The following SEMA3E variants were observed in gnomAD, a reference collection of about 807,000 sequenced individuals.
The protein encoded by SEMA3E is semaphorin-3E.
Under a neutral mutation model 93.6 loss-of-function variants are expected in SEMA3E, and 49 were observed. The observed-to-expected ratio is 0.52, with a 90% CI of 0.42 to 0.66. The LOEUF (loss-of-function observed/expected upper bound fraction) is 0.66. SEMA3E is among the 30% of genes least tolerant of loss of function. The pLI is 0.00. For synonymous variants in SEMA3E, 363 were observed against 330.7 expected, an observed-to-expected ratio of 1.10 and a Z score of -1.06; for missense variants, 906 against 964.8, an observed-to-expected ratio of 0.94 and a Z score of 0.81.
chr7:83,367,223 T>C lies in SEMA3E; in HGVS notation c.*363A>G, dbSNP rs1794682007. 2 of 231,986 alleles carry C rather than the reference T, an allele frequency of 8.6e-6. No individual in the cohort carries two copies. The highest frequency in any genetic ancestry group is 1.7e-5 in the Non-Finnish European group (2 of 116,992). The allele number at this position is 231,986 out of a possible 1,614,324, so 14.4% of individuals were successfully genotyped here. A position where few individuals can be genotyped will look rare whatever the true frequency, so the allele number is the denominator to read the frequency against. ...AAATATTAAAACATATTTAGTTTTA[T>C]ATTTACCATGATTATAAGTCTCCAA... On this transcript the variant is annotated 3_prime_UTR_variant, in exon 17 of 17. Transcript: ENST00000643230.
At chr7:83,495,218 T>A (rs1432688630) in intron 1 of SEMA3E, among the ~76,000 whole-genome samples, 1 of 151,926 alleles carries the variant, frequency 6.6e-6, no homozygotes, top group African/African-American at 2.4e-5. Flanking sequence ...GATTATATAA[T>A]TATATTGCAT....
intron 2 of SEMA3E, among the ~76,000 whole-genome samples, chr7:83,487,844 T>C (rs919107616): frequency 6.6e-6 from 1 of 152,100 alleles, no homozygotes; most frequent in South Asian, 2.1e-4. Flanking sequence ...TGAAATGCAA[T>C]ATTTGCTTCT....
intron 1 of SEMA3E, chr7:83,641,270 G>T: frequency 2.5e-6 from 1 of 401,906 alleles, no homozygotes; most frequent in Non-Finnish European, 3.4e-6. Context: ...ATACTCACTT[G>T]ATGAGCACTT....
chr7:83,612,118 C>T (rs1190858304), intron 1 of SEMA3E, among the ~76,000 whole-genome samples: 4 of 152,108 alleles, frequency 2.6e-5, no homozygotes, highest in Admixed American at 6.6e-5. Flanking sequence ...ATCACCTTAT[C>T]AGAGACTCCT....
intron 4 of SEMA3E, among the ~76,000 whole-genome samples, chr7:83,458,400 G>C (rs571931273): frequency 2.0e-5 from 3 of 151,838 alleles, no homozygotes; most frequent in African/African-American, 4.8e-5. Flanking sequence ...ATTAAGAATA[G>C]ACAAAGACTA....
chr7:83,647,153 A>C (rs1794089780), intron 1 of SEMA3E, among the ~76,000 whole-genome samples: 1 of 152,218 alleles, frequency 6.6e-6, no homozygotes, highest in East Asian at 1.9e-4. Flanking sequence ...GGATTTCTTA[A>C]ATTTATATTA....
chr7:83,528,803 A>C (rs890002195), intron 1 of SEMA3E, among the ~76,000 whole-genome samples: 7 of 152,264 alleles, frequency 4.6e-5, no homozygotes, highest in African/African-American at 7.2e-5. Flanking sequence ...GAATATTATC[A>C]GAACAAAAAG....
intron 1 of SEMA3E, among the ~76,000 whole-genome samples, chr7:83,569,346 A>T (rs1179788405): frequency 6.6e-6 from 1 of 152,152 alleles, no homozygotes; most frequent in Non-Finnish European, 1.5e-5. Context: ...TCCACAAAAC[A>T]ACCAGCTAAC....
At chr7:83,399,836 G>A (rs1197699303) in intron 11 of SEMA3E, among the ~76,000 whole-genome samples, 192 bp downstream of exon 11, 1 of 152,012 alleles carries the variant, frequency 6.6e-6, no homozygotes, top group African/African-American at 2.4e-5. Context: ...AATATTCCCA[G>A]ACAACTGGCC....
intron 1 of SEMA3E, among the ~76,000 whole-genome samples, chr7:83,497,004 A>C (rs1305227029): frequency 2.0e-5 from 3 of 152,118 alleles, no homozygotes; most frequent in Non-Finnish European, 1.5e-5. Flanking sequence ...ATGGACAAAG[A>C]AATAAGATGA....
chr7:83,480,375 C>A (rs950317629), intron 2 of SEMA3E, among the ~76,000 whole-genome samples: 45 of 152,232 alleles, frequency 3.0e-4, no homozygotes, highest in African/African-American at 1.0e-3. Context: ...GTGCAGTGAG[C>A]CGAGTTCGTG....
At chr7:83,568,308 C>T (rs1340543658) in intron 1 of SEMA3E, among the ~76,000 whole-genome samples, 1 of 152,008 alleles carries the variant, frequency 6.6e-6, no homozygotes, top group East Asian at 1.9e-4. Context: ...GGGTAAAGAA[C>T]TAACCCATAT....
intron 1 of SEMA3E, among the ~76,000 whole-genome samples, chr7:83,570,552 CAAAAAA>C (rs59715914): frequency 6.0e-5 from 2 of 33,086 alleles, no homozygotes; most frequent in African/African-American, 4.6e-4. Flanking sequence ...GACTCCGTCT[CAAAAAA>C]AAAAAAAAAA....
Position 83,531,499 on chromosome 7 carries a change from C to A in SEMA3E, c.116-41225G>T, listed in dbSNP as rs556624840. Among the ~76,000 whole-genome samples, 300 of 151,604 alleles carry A rather than the reference C, an allele frequency of 2.0e-3. 1 individual carries two copies. The highest frequency in any genetic ancestry group is 3.2e-3 in the Non-Finnish European group (214 of 67,916). On this transcript the variant is annotated intron_variant, in intron 1 of 16. Transcript: ENST00000643230. ...TCCAGAGTAGCTGGGATTACAGGTG[C>A]GTGCCACCATGCCCAGTGAATTTTT...
intron 1 of SEMA3E, among the ~76,000 whole-genome samples, chr7:83,523,145 C>G (rs1239549038): frequency 6.6e-6 from 1 of 152,078 alleles, no homozygotes; most frequent in Non-Finnish European, 1.5e-5. Context: ...ATCAGAGATT[C>G]ATGTTCAGTG....
intron 4 of SEMA3E, among the ~76,000 whole-genome samples, chr7:83,434,473 T>G (rs920463899): frequency 6.6e-6 from 1 of 152,186 alleles, no homozygotes; most frequent in Non-Finnish European, 1.5e-5. Context: ...TGCTTTCAAC[T>G]TATCAATACA....
At chr7:83,545,853 G>T (rs915475170) in intron 1 of SEMA3E, among the ~76,000 whole-genome samples, 1 of 143,692 alleles carries the variant, frequency 7.0e-6, no homozygotes. Flanking sequence ...GTAGTATGAC[G>T]GATATCTATA....
chr7:83,410,393 T>C lies in SEMA3E; in HGVS notation c.551-1906A>G, dbSNP rs973780855. Among the ~76,000 whole-genome samples the C allele has an allele frequency of 7.2e-5, 11 of 151,998 alleles. No homozygotes were observed. In the East Asian group the frequency reaches 1.3e-3, roughly 19 times the overall value. On this transcript the variant is annotated intron_variant, in intron 5 of 16. Transcript: ENST00000643230. ...TTCTTCTAGTATATTCAACTTACGCTAAGTGAGAGGTATGATGTAAGGAAA... is the reference window on the plus strand; with the variant it reads ...TTCTTCTAGTATATTCAACTTACGCCAAGTGAGAGGTATGATGTAAGGAAA...
At chr7:83,584,152 A>G (rs1239517554) in intron 1 of SEMA3E, among the ~76,000 whole-genome samples, 1 of 152,200 alleles carries the variant, frequency 6.6e-6, no homozygotes, top group East Asian at 1.9e-4. Flanking sequence ...ATTACTATAT[A>G]TTAACCATAA....
Sources: allele counts gnomAD v4.1 joint callset (sites outside exome capture counted in the v4.1 genomes callset), GRCh38; gene constraint gnomAD v4.1.1; transcripts MANE v1.5; gene names NCBI Gene and HGNC (gene_info 2026-07-23, HGNC 2026-07-21).